The following LSM14A variants were observed in gnomAD, a reference collection of about 807,000 sequenced individuals.
LSM14A encodes protein LSM14 homolog A.
Under a neutral mutation model 52.4 loss-of-function variants are expected in LSM14A, and 14 were observed. The observed-to-expected ratio is 0.27, with a 90% confidence interval of 0.18 to 0.42. LSM14A has a LOEUF of 0.42. Among genes scored for constraint, LSM14A ranks in the 10% least tolerant of loss-of-function variants. LSM14A has a pLI of 1.00. For missense variants in LSM14A, 417 were observed against 581.8 expected (o/e 0.72, Z 2.91); for synonymous variants, 185 against 200.3 (o/e 0.92, Z 0.64).
intron 4 of LSM14A, among the ~76,000 whole-genome samples, chr19:34,211,786 T>C (rs951194290): frequency 6.9e-6 from 1 of 144,730 alleles, no homozygotes; most frequent in African/African-American, 2.6e-5. Context: ...CAAGACCCTG[T>C]CCCCCCCCAA....
intron 3 of LSM14A, among the ~76,000 whole-genome samples, chr19:34,202,904 G>A (rs1208379547): frequency 2.2e-4 from 33 of 152,126 alleles, no homozygotes; most frequent in African/African-American, 3.6e-4. Flanking sequence ...TGATCCGCCC[G>A]CCTCGGCCTC....
chr19:34,178,435 A>G (rs1039489033), intron 1 of LSM14A, among the ~76,000 whole-genome samples: 2 of 152,198 alleles, frequency 1.3e-5, no homozygotes, highest in Non-Finnish European at 2.9e-5. Context: ...TCAATCTGCT[A>G]TGTATGTTTA....
intron 1 of LSM14A, 73 bp downstream of exon 1, chr19:34,172,836 G>A (rs2068797191): frequency 1.4e-6 from 2 of 1,461,820 alleles, no homozygotes; most frequent in Non-Finnish European, 1.8e-6. Flanking sequence ...TCCGGCCCGC[G>A]GCCTCCTCGT....
At chr19:34,198,313 A>C (rs1191323458) in intron 3 of LSM14A, among the ~76,000 whole-genome samples, 12 of 152,134 alleles carry the variant, frequency 7.9e-5, no homozygotes, top group Admixed American at 7.9e-4. Context: ...ATGGCAAAAA[A>C]AAAGCAAACT....
chr19:34,202,894 T>C (rs964756116), intron 3 of LSM14A, among the ~76,000 whole-genome samples: 2 of 152,144 alleles, frequency 1.3e-5, no homozygotes, highest in Non-Finnish European at 2.9e-5. Context: ...CCTGACCTCG[T>C]GATCCGCCCG....
intron 3 of LSM14A, among the ~76,000 whole-genome samples, chr19:34,207,375 T>A (rs2071780838): frequency 6.6e-6 from 1 of 152,030 alleles, no homozygotes; most frequent in African/African-American, 2.4e-5. Context: ...CCCACAGAAT[T>A]CTTGAAAGCG....
At chr19:34,212,393 A>G (rs2072230138) in intron 4 of LSM14A, among the ~76,000 whole-genome samples, 1 of 152,202 alleles carries the variant, frequency 6.6e-6, no homozygotes, top group Non-Finnish European at 1.5e-5. Flanking sequence ...GTTCCAATTA[A>G]TAATGTTGCC....
chr19:34,204,006 C>A lies in LSM14A; in HGVS notation c.416-4923C>A, dbSNP rs1434942133. 2.7e-5 allele frequency among the ~76,000 whole-genome samples: 4 copies of A among 150,020 alleles called. No homozygotes were observed. In the East Asian group the frequency reaches 7.8e-4, roughly 29 times the overall value. On this transcript the variant is annotated intron_variant, in intron 3 of 9. Coordinates refer to ENST00000544216, the MANE Select transcript of LSM14A (RefSeq NM_015578.4). ...AGGTATACCATACAAACAGCAATAACAAGAAAAGTGTGTAGCATACGTTAA... is the reference window on the plus strand; with the variant it reads ...AGGTATACCATACAAACAGCAATAAAAAGAAAAGTGTGTAGCATACGTTAA...
At chr19:34,178,823 A>T (rs1320683682) in intron 1 of LSM14A, among the ~76,000 whole-genome samples, 1 of 152,214 alleles carries the variant, frequency 6.6e-6, no homozygotes, top group Non-Finnish European at 1.5e-5. Context: ...ATGCAAGAGG[A>T]TGAAATCTAG....
At chr19:34,200,981 A>AGCAC (rs1239674696) in intron 3 of LSM14A, among the ~76,000 whole-genome samples, 8 of 152,224 alleles carry the variant, frequency 5.3e-5, no homozygotes, top group African/African-American at 1.9e-4. Flanking sequence ...AACAGGATCA[A>AGCAC]GCACGTAGTA....
At chr19:34,174,948 T>A (rs1314776985) in intron 1 of LSM14A, among the ~76,000 whole-genome samples, 1 of 152,220 alleles carries the variant, frequency 6.6e-6, no homozygotes, top group Admixed American at 6.5e-5. Flanking sequence ...TGTTCTTTTT[T>A]AAAAACTACG....
At chr19:34,200,777 TAAATC>T (rs1285027714) in intron 3 of LSM14A, among the ~76,000 whole-genome samples, 3 of 152,224 alleles carry the variant, frequency 2.0e-5, no homozygotes, top group Admixed American at 1.3e-4. Context: ...TTATTCATGT[TAAATC>T]AAGATATACT....
At position 34,197,853 on chromosome 19, in the gene LSM14A, G is replaced by A. The variant is rs115020152; in HGVS notation, c.415+1090G>A. On this transcript the variant is annotated intron_variant, in intron 3 of 9. Transcript: ENST00000544216. ...GTTTCTGTAACACTGGATTTGAAAC[G>A]AAACTATAATGAGAATGTATAGCAG... 4.1e-3 allele frequency among the ~76,000 whole-genome samples: 625 copies of A among 152,208 alleles called. 6 individuals carry two copies. Among genetic ancestry groups the A allele is most frequent in the African/African-American group, 0.014 (591 of 41,548 alleles).
intron 3 of LSM14A, among the ~76,000 whole-genome samples, chr19:34,200,837 A>G (rs2071236679): frequency 6.6e-6 from 1 of 152,210 alleles, no homozygotes; most frequent in African/African-American, 2.4e-5. Flanking sequence ...GATTCAAGTA[A>G]GGAATGATTG....
At chr19:34,183,445 G>A (rs1001662956) in intron 1 of LSM14A, among the ~76,000 whole-genome samples, 6 of 152,108 alleles carry the variant, frequency 3.9e-5, no homozygotes, top group Admixed American at 1.3e-4. Flanking sequence ...CAGCTACTTG[G>A]GAAGCTGGGG....
chr19:34,209,301 A>G (rs2071955523), intron 4 of LSM14A, among the ~76,000 whole-genome samples: 1 of 152,162 alleles, frequency 6.6e-6, no homozygotes. Flanking sequence ...CTTTTTTTGC[A>G]AAGCAATTAT....
At chr19:34,177,817 G>GC (rs1266333408) in intron 1 of LSM14A, among the ~76,000 whole-genome samples, 1 of 151,622 alleles carries the variant, frequency 6.6e-6, no homozygotes, top group African/African-American at 2.4e-5. Context: ...GATTGCTTGA[G>GC]CCCAAGAGGA....
chr19:34,196,622 AT>A lies in LSM14A; in HGVS notation c.286-8del. 1 of 1,578,922 alleles carries A rather than the reference AT, an allele frequency of 6.3e-7. No individual in the cohort carries two copies. The highest frequency in any genetic ancestry group is 1.2e-5 in the South Asian group (1 of 83,766). On this transcript the variant is annotated splice_polypyrimidine_tract_variant and intron_variant, in intron 2 of 9. Coordinates refer to ENST00000544216, the MANE Select transcript of LSM14A (RefSeq NM_015578.4). ...TTAGAGCTTGGAAACATAACTCATG[AT>A]TTTCCTTCAGTCCTCACTAGGCTCA... is the stretch of plus-strand genomic sequence containing the variant.
intron 1 of LSM14A, among the ~76,000 whole-genome samples, chr19:34,183,777 A>C (rs577021148): frequency 6.6e-6 from 1 of 152,138 alleles, no homozygotes; most frequent in Non-Finnish European, 1.5e-5. Context: ...CACAATGGAA[A>C]CTAGAAGATT....
Sources: gnomAD v4.1 joint callset for allele counts (sites outside exome capture counted in the v4.1 genomes callset) on GRCh38, gnomAD v4.1.1 for gene constraint, MANE v1.5 for transcripts, NCBI Gene and HGNC (gene_info 2026-07-23, HGNC 2026-07-21) for gene names.